ZNF22: variants seen among roughly 807,000 people sequenced by gnomAD.
ZNF22 encodes the protein zinc finger protein 22.
Under a neutral mutation model 17.0 loss-of-function variants are expected in ZNF22, and 15 were observed. The observed-to-expected ratio is 0.88, with a 90% confidence interval of 0.59 to 1.36. The LOEUF (loss-of-function observed/expected upper bound fraction) is 1.36. ZNF22 is among the 40% of genes most tolerant of loss of function. The pLI is 0.00. For synonymous variants in ZNF22, 84 were observed against 90.7 expected (o/e 0.93, Z 0.42); for missense variants, 272 against 276.1 (o/e 0.98, Z 0.11).
In ZNF22 at chr10:45,003,712, A is replaced by G; in HGVS notation, c.344A>G (p.Glu115Gly). 3 of 1,614,214 alleles carry G rather than the reference A, an allele frequency of 1.9e-6. No homozygotes were observed. The highest frequency in any genetic ancestry group is 2.5e-6 in the Non-Finnish European group (3 of 1,180,038). Residue 115 changes from glutamate to glycine, a missense_variant, in exon 2 of 2, where the codon GAG (glutamate) becomes GGG (glycine). Glu to Gly is a moderately conservative substitution (Grantham distance 98). Transcript: ENST00000298299. ...HTGEKPYKCD[E>G]CGESFKQSSN... is the part of the protein sequence containing the mutation. ...GGGGAAAAGCCCTACAAATGTGATG[A>G]GTGTGGAGAAAGCTTCAAACAGAGC...
At chr10:45,002,228 A>C (rs1401227957) in intron 1 of ZNF22, 3 of 152,256 alleles carry the variant, frequency 2.0e-5, no homozygotes, top group Non-Finnish European at 4.4e-5. Context: ...ATAATGAAAA[A>C]TAGTTCCAAT....
intron 1 of ZNF22, among the ~76,000 whole-genome samples, chr10:45,001,676 C>G (rs993486654): frequency 6.6e-6 from 1 of 152,108 alleles, no homozygotes; most frequent in African/African-American, 2.4e-5. Context: ...ATTGTGCCCT[C>G]GTTTCCTTAA....
rs1451479072 is a variant in ZNF22, at chr10:45,005,184, T to TCA, written c.*1141_*1142insCA. ...GAGAATGGTGCCAAGTGTCAGACTCTAATGAGCCCTCAGCTCAGGTTTTAA... is the reference window on the plus strand; with the variant it reads ...GAGAATGGTGCCAAGTGTCAGACTCTCAAATGAGCCCTCAGCTCAGGTTTTAA... On this transcript the variant is annotated 3_prime_UTR_variant, in exon 2 of 2. Coordinates refer to ENST00000298299, the MANE Select transcript of ZNF22 (RefSeq NM_006963.5). 1 of 166,920 alleles carries TCA rather than the reference T, an allele frequency of 6.0e-6. No homozygotes were observed. The highest frequency in any genetic ancestry group is 1.5e-5 in the Non-Finnish European group (1 of 68,120). 10.3% of individuals were successfully genotyped at this position (166,920 alleles called of 1,614,324 possible).
At position 45,005,175 on chromosome 10, in the gene ZNF22, G is replaced by A. The variant is rs1201911317; in HGVS notation, c.*1132G>A. The A allele has an allele frequency of 6.0e-6, 1 of 166,894 alleles. No individual in the cohort carries two copies. Among genetic ancestry groups the A allele is most frequent in the Non-Finnish European group, 1.5e-5 (1 of 68,130 alleles). 10.3% of individuals were successfully genotyped at this position (166,894 alleles called of 1,614,324 possible). A position where few individuals can be genotyped will look rare whatever the true frequency, so the allele number is the denominator to read the frequency against. ...CACTTCCATGAGAATGGTGCCAAGT[G>A]TCAGACTCTAATGAGCCCTCAGCTC... On this transcript the variant is annotated 3_prime_UTR_variant, in exon 2 of 2. Coordinates refer to ENST00000298299, the MANE Select transcript of ZNF22 (RefSeq NM_006963.5).
In ZNF22 at chr10:45,003,979, T is replaced by TG. The variant is rs1407079620; in HGVS notation, c.612dup (p.Lys205GlufsTer37). On this transcript the variant is annotated frameshift_variant, in exon 2 of 2. Transcript: ENST00000298299. LOFTEE classifies it high-confidence loss of function. ...AAAACCCGGGGCAAAAATATCAGGGTGAAGACTCACTTACCCTCTTGGAAA... is the reference window on the plus strand; with the variant it reads ...AAAACCCGGGGCAAAAATATCAGGGTGGAAGACTCACTTACCCTCTTGGAAA... 1 of 1,614,082 alleles carries TG rather than the reference T, an allele frequency of 6.2e-7. No homozygotes were observed. The highest frequency in any genetic ancestry group is 8.5e-7 in the Non-Finnish European group (1 of 1,180,024).
In ZNF22 at chr10:45,004,418, A is replaced by T; in HGVS notation, c.*375A>T. The stretch of plus-strand genomic sequence containing the variant: ...TTGTGAAAGTGCAGGCATGCCAATG[A>T]CTACTCAGTTTTAGGACTTTCTGTG... On this transcript the variant is annotated 3_prime_UTR_variant, in exon 2 of 2. Transcript: ENST00000298299. 1 of 178,056 alleles carries T rather than the reference A, an allele frequency of 5.6e-6. No individual in the cohort carries two copies. Among genetic ancestry groups the T allele is most frequent in the South Asian group, 1.8e-4 (1 of 5,460 alleles). The allele number at this position is 178,056 out of a possible 1,614,324, so 11.0% of individuals were successfully genotyped here. A position where few individuals can be genotyped will look rare whatever the true frequency, so the allele number is the denominator to read the frequency against.
rs774411856 is a variant in ZNF22 at position 45,003,987 on chromosome 10, CACTT to C, written c.622_625del (p.Leu208ProfsTer22). ...GGGCAAAAATATCAGGGTGAAGACT[CACTT>C]ACCCTCTTGGAAAGCTGGTACAGGA... is the stretch of plus-strand genomic sequence containing the variant. On this transcript the variant is annotated frameshift_variant, in exon 2 of 2. Coordinates refer to ENST00000298299, the MANE Select transcript of ZNF22 (RefSeq NM_006963.5). LOFTEE classifies it high-confidence loss of function. 20 of 1,613,950 alleles carry C rather than the reference CACTT, an allele frequency of 1.2e-5. No homozygotes were observed. The highest frequency in any genetic ancestry group is 1.7e-5 in the Admixed American group (1 of 60,006).
Position 45,003,870 on chromosome 10 carries a change from C to A in ZNF22, c.502C>A (p.Gln168Lys), listed in dbSNP as rs746565586. ...QRTHTGEKPY[Q>K]CSECGKCFSQ... Reference sequence around the variant, plus strand: ...AACCCACACTGGGGAGAAACCCTACCAGTGCAGTGAATGTGGCAAATGTTT... The same window carrying A: ...AACCCACACTGGGGAGAAACCCTACAAGTGCAGTGAATGTGGCAAATGTTT... Residue 168 changes from glutamine to lysine, a missense_variant, in exon 2 of 2, where the codon CAG (glutamine) becomes AAG (lysine). Physicochemically the swap from Gln to Lys is moderately conservative, Grantham distance 53 (BLOSUM62 1). Transcript: ENST00000298299. The A allele has an allele frequency of 2.4e-5, 38 of 1,614,052 alleles. No homozygotes were observed. In the African/African-American group the frequency reaches 4.4e-4, roughly 19 times the overall value.
chr10:45,003,753 C>T lies in ZNF22; in HGVS notation c.385C>T (p.His129Tyr). The T allele has an allele frequency of 6.2e-7, 1 of 1,614,180 alleles. No individual in the cohort carries two copies. The highest frequency in any genetic ancestry group is 2.2e-5 in the East Asian group (1 of 44,888). Residue 129 changes from histidine (H) to tyrosine (Y), a missense_variant, in exon 2 of 2, where the codon CAC becomes TAC. By Grantham distance (83) the His-to-Tyr change is moderately conservative. Coordinates refer to ENST00000298299, the MANE Select transcript of ZNF22 (RefSeq NM_006963.5). The part of the protein sequence containing the change: ...SFKQSSNLIQ[H>Y]QRIHTGEKPY... Reference sequence around the variant, plus strand: ...CAAACAGAGCTCAAATCTCATTCAGCACCAGAGAATTCATACTGGAGAAAA... The same window carrying T: ...CAAACAGAGCTCAAATCTCATTCAGTACCAGAGAATTCATACTGGAGAAAA...
chr10:45,002,502 C>T (rs1165492331), intron 1 of ZNF22: 2 of 152,200 alleles, frequency 1.3e-5, no homozygotes, highest in Non-Finnish European at 2.9e-5. Flanking sequence ...AGTTTCATTC[C>T]ACTTTCTGGT....
rs764273506 is a variant in ZNF22, at chr10:45,003,451, G to C, written c.83G>C (p.Arg28Pro). Residue 28 changes from arginine (R) to proline (P), a missense_variant, in exon 2 of 2, where the codon CGG (arginine) becomes CCG (proline). Physicochemically the swap from Arg to Pro is moderately radical, Grantham distance 103 (BLOSUM62 -2). Transcript: ENST00000298299. The stretch of plus-strand genomic sequence containing the variant: ...TATGAGAACAAGCGCAAAACAGGCC[G>C]GCAGCGGCAGAAGTGGGGCATGACT... Reference protein sequence around the residue: ...KAYENKRKTGRQRQKWGMTIR... With the variant: ...KAYENKRKTGPQRQKWGMTIR... 3 of 1,614,246 alleles carry C rather than the reference G, an allele frequency of 1.9e-6. No individual in the cohort carries two copies. Among genetic ancestry groups the C allele is most frequent in the Non-Finnish European group, 2.5e-6 (3 of 1,180,046 alleles).
intron 1 of ZNF22, 191 bp from the exon 2 acceptor site, chr10:45,003,089 A>T: frequency 6.6e-6 from 2 of 302,248 alleles, no homozygotes; most frequent in South Asian, 2.0e-4. Context: ...AAACTCTGGA[A>T]TTGTTAGAAT....
Position 45,004,674 on chromosome 10 carries a change from CTTTTT to C in ZNF22, c.*634_*638del, listed in dbSNP as rs1028962836. The C allele has an allele frequency of 6.0e-6, 1 of 166,700 alleles. No individual in the cohort carries two copies. The highest frequency in any genetic ancestry group is 1.5e-5 in the Non-Finnish European group (1 of 68,084). The allele number at this position is 166,700 out of a possible 1,614,324, so 10.3% of individuals were successfully genotyped here. A position where few individuals can be genotyped will look rare whatever the true frequency, so the allele number is the denominator to read the frequency against. ...GTTAATGAAAGGAGTAAGGATTTCC[CTTTTT>C]TTGTTTTGTTTGTTTTGTTTTTTTT... is the stretch of plus-strand genomic sequence containing the variant. On this transcript the variant is annotated 3_prime_UTR_variant, in exon 2 of 2. Transcript: ENST00000298299.
chr10:45,002,257 G>A (rs1181558371), intron 1 of ZNF22: 2 of 152,222 alleles, frequency 1.3e-5, no homozygotes, highest in Admixed American at 6.5e-5. Flanking sequence ...TGCTTTTGAA[G>A]TTCTAGATTT....
Position 45,004,699 on chromosome 10 carries a change from T to G in ZNF22, c.*656T>G, listed in dbSNP as rs912561770. ...CTTTTTTTGTTTTGTTTGTTTTGTTTTTTTTAACCAAATTCTTAGAGATAC... is the reference window on the plus strand; with the variant it reads ...CTTTTTTTGTTTTGTTTGTTTTGTTGTTTTTAACCAAATTCTTAGAGATAC... On this transcript the variant is annotated 3_prime_UTR_variant, in exon 2 of 2. Transcript: ENST00000298299. 6.0e-6 allele frequency: 1 copy of G among 167,104 alleles called. No homozygotes were observed. Among genetic ancestry groups the G allele is most frequent in the African/African-American group, 2.4e-5 (1 of 41,470 alleles). 10.4% of individuals were successfully genotyped at this position (167,104 alleles called of 1,614,324 possible). A position where few individuals can be genotyped will look rare whatever the true frequency, so the allele number is the denominator to read the frequency against.
At chr10:45,003,078 T>TA (rs1842346499) in intron 1 of ZNF22, 1 of 276,976 alleles carries the variant, frequency 3.6e-6, no homozygotes, top group Non-Finnish European at 6.7e-6. Context: ...TTGTTAAGCT[T>TA]AAACTCTGGA....
chr10:45,002,076 A>G (rs1842338361), intron 1 of ZNF22: 1 of 152,224 alleles, frequency 6.6e-6, no homozygotes, highest in African/African-American at 2.4e-5. Flanking sequence ...AAAGTCCTGG[A>G]CCTAAAGTCT....
In ZNF22 at chr10:45,004,674, CTT is replaced by C. The variant is rs1028962836; in HGVS notation, c.*637_*638del. The C allele has an allele frequency of 6.0e-6, 1 of 166,700 alleles. No homozygotes were observed. The highest frequency in any genetic ancestry group is 1.5e-5 in the Non-Finnish European group (1 of 68,084). 10.3% of individuals were successfully genotyped at this position (166,700 alleles called of 1,614,324 possible). A position where few individuals can be genotyped will look rare whatever the true frequency, so the allele number is the denominator to read the frequency against. ...GTTAATGAAAGGAGTAAGGATTTCC[CTT>C]TTTTTGTTTTGTTTGTTTTGTTTTT... On this transcript the variant is annotated 3_prime_UTR_variant, in exon 2 of 2. Transcript: ENST00000298299.
In ZNF22 at chr10:45,003,507, A is replaced by G. The variant is rs1411430227; in HGVS notation, c.139A>G (p.Arg47Gly). Residue 47 changes from arginine to glycine, a missense_variant, in exon 2 of 2, where the codon AGA becomes GGA. Transcript: ENST00000298299. ...ATTTGACTCAAGCTTCAGTAGACTC[A>G]GAAGAAGCTTGGATGACAAACCCTA... is the stretch of plus-strand genomic sequence containing the variant. ...IRFDSSFSRL[R>G]RSLDDKPYKC... 1 of 1,614,168 alleles carries G rather than the reference A, an allele frequency of 6.2e-7. No individual in the cohort carries two copies. The highest frequency in any genetic ancestry group is 1.3e-5 in the African/African-American group (1 of 74,956).
Sources: gnomAD v4.1 joint callset for allele counts (sites outside exome capture counted in the v4.1 genomes callset) on GRCh38, gnomAD v4.1.1 for gene constraint, MANE v1.5 for transcripts, NCBI Gene and HGNC (gene_info 2026-07-23, HGNC 2026-07-21) for gene names.